Variants in KCND2 observed in about 807,000 individuals in gnomAD.
KCND2 encodes the protein potassium voltage-gated channel subfamily D member 2.
KCND2 carries 16 observed loss-of-function variants against 54.4 expected under a neutral mutation model. That is an observed-to-expected ratio of 0.29 (90% CI 0.20 to 0.45). The LOEUF is 0.45. KCND2 is among the 20% of genes least tolerant of loss of function. KCND2 has a pLI of 1.00. For synonymous variants in KCND2, 317 were observed against 310.7 expected (o/e 1.02, Z -0.21); for missense variants, 486 against 824.2 (o/e 0.59, Z 5.02).
intron 1 of KCND2, among the ~76,000 whole-genome samples, chr7:120,390,013 A>G (rs1193699377): frequency 6.6e-6 from 1 of 151,896 alleles, no homozygotes; most frequent in Non-Finnish European, 1.5e-5. Flanking sequence ...AGAAATGATT[A>G]TTTCCTCTTA....
At chr7:120,280,011 C>A (rs556025312) in intron 1 of KCND2, among the ~76,000 whole-genome samples, 1 of 151,912 alleles carries the variant, frequency 6.6e-6, no homozygotes, top group Admixed American at 6.6e-5. Context: ...AATTATCTTC[C>A]CTTGTGCCAA....
chr7:120,708,354 T>C (rs1009958109), intron 1 of KCND2, among the ~76,000 whole-genome samples: 1 of 152,046 alleles, frequency 6.6e-6, no homozygotes, highest in Non-Finnish European at 1.5e-5. Flanking sequence ...GAGTAGAAAA[T>C]TAACAGAATG....
At chr7:120,309,457 A>ATATATATATG (rs1799697578) in intron 1 of KCND2, among the ~76,000 whole-genome samples, 1 of 89,594 alleles carries the variant, frequency 1.1e-5, no homozygotes, top group East Asian at 3.3e-4. Context: ...GAAAACATAT[A>ATATATATATG]TATATATATA....
rs114241831 is a variant in KCND2, at chr7:120,595,983, T to A, written c.1116-136920T>A. Among the ~76,000 whole-genome samples, 834 of 152,168 alleles carry A rather than the reference T, an allele frequency of 5.5e-3. 5 individuals carry two copies. The highest frequency in any genetic ancestry group is 0.018 in the African/African-American group (766 of 41,518). On this transcript the variant is annotated intron_variant, in intron 1 of 5. Transcript: ENST00000331113. Reference sequence around the variant, plus strand: ...AGAAATCTCTGAGTGGATGAATGAATGACTTCATTAATGTTGACCTTTTAT... The same window carrying A: ...AGAAATCTCTGAGTGGATGAATGAAAGACTTCATTAATGTTGACCTTTTAT...
intron 1 of KCND2, among the ~76,000 whole-genome samples, chr7:120,358,890 T>G (rs1030799666): frequency 1.3e-5 from 2 of 152,226 alleles, no homozygotes; most frequent in African/African-American, 4.8e-5. Flanking sequence ...TATTTTCTTT[T>G]TTTACTACCT....
intron 1 of KCND2, among the ~76,000 whole-genome samples, chr7:120,602,458 A>G (rs1425570728): frequency 6.6e-6 from 1 of 152,178 alleles, no homozygotes; most frequent in Non-Finnish European, 1.5e-5. Flanking sequence ...CCAGTTTTCT[A>G]TGACCCAACG....
intron 1 of KCND2, among the ~76,000 whole-genome samples, chr7:120,478,379 A>T (rs564177792): frequency 6.6e-6 from 1 of 152,218 alleles, no homozygotes; most frequent in Admixed American, 6.5e-5. Flanking sequence ...TCACTTAGTC[A>T]TACTACCTAT....
At chr7:120,488,451 A>G (rs10245548) in intron 1 of KCND2, among the ~76,000 whole-genome samples, 11,176 of 152,128 alleles carry the variant, frequency 0.073, 1,317 homozygotes, top group African/African-American at 0.25. Context: ...TTGGAAAAAA[A>G]GTTACCTCCA....
intron 1 of KCND2, among the ~76,000 whole-genome samples, chr7:120,578,114 G>T (rs1167559582): frequency 1.3e-5 from 2 of 151,738 alleles, no homozygotes; most frequent in African/African-American, 4.8e-5. Flanking sequence ...AGAGGAAGAA[G>T]AAAAGAAGGA....
intron 1 of KCND2, among the ~76,000 whole-genome samples, chr7:120,584,979 A>T (rs191316394): frequency 3.9e-5 from 6 of 152,316 alleles, no homozygotes; most frequent in African/African-American, 1.4e-4. Flanking sequence ...TAGAAGAGTG[A>T]CTTTTTCCAA....
At chr7:120,490,388 C>A (rs561341491) in intron 1 of KCND2, among the ~76,000 whole-genome samples, 10 of 152,260 alleles carry the variant, frequency 6.6e-5, no homozygotes, top group African/African-American at 2.4e-4. Context: ...ATTAGACCAA[C>A]TCTGAGAACT....
intron 1 of KCND2, among the ~76,000 whole-genome samples, chr7:120,556,075 G>A (rs1792159355): frequency 6.6e-6 from 1 of 152,114 alleles, no homozygotes; most frequent in African/African-American, 2.4e-5. Context: ...TAAGTTATTG[G>A]AGAGTACTGA....
At chr7:120,318,812 C>T (rs570652650) in intron 1 of KCND2, among the ~76,000 whole-genome samples, 1 of 152,116 alleles carries the variant, frequency 6.6e-6, no homozygotes, top group African/African-American at 2.4e-5. Flanking sequence ...TGGCTTTTCA[C>T]ATGTTTGTAC....
chr7:120,612,838 T>G (rs4610678), intron 1 of KCND2, among the ~76,000 whole-genome samples: 145,534 of 152,294 alleles, frequency 0.96, 70,118 homozygotes, highest in African/African-American at 0.99. Flanking sequence ...ACTTTTGTAG[T>G]CACTGTAAGG....
chr7:120,330,196 A>G (rs1298261302), intron 1 of KCND2, among the ~76,000 whole-genome samples: 1 of 152,146 alleles, frequency 6.6e-6, no homozygotes, highest in Non-Finnish European at 1.5e-5. Flanking sequence ...CCTCTCTAAA[A>G]TGAAGGTAGT....
chr7:120,498,593 G>A (rs976709792), intron 1 of KCND2, among the ~76,000 whole-genome samples: 1 of 151,880 alleles, frequency 6.6e-6, no homozygotes, highest in African/African-American at 2.4e-5. Flanking sequence ...TGGGCAACAT[G>A]GTGAAACCCT....
chr7:120,477,698 T>C (rs951578432), intron 1 of KCND2, among the ~76,000 whole-genome samples: 1 of 152,112 alleles, frequency 6.6e-6, no homozygotes, highest in African/African-American at 2.4e-5. Flanking sequence ...TCTAAGGCGG[T>C]TGGCTGGGAG....
intron 1 of KCND2, among the ~76,000 whole-genome samples, chr7:120,426,386 T>A (rs563997033): frequency 3.9e-5 from 6 of 152,136 alleles, no homozygotes; most frequent in Non-Finnish European, 8.8e-5. Context: ...TTTATATAAC[T>A]TTGAAAAGAT....
intron 1 of KCND2, among the ~76,000 whole-genome samples, chr7:120,636,407 A>G (rs994027157): frequency 1.4e-4 from 21 of 152,154 alleles, no homozygotes; most frequent in African/African-American, 4.3e-4. Flanking sequence ...TGTTTGCACT[A>G]AAGAGTCTAG....
Sources: gnomAD v4.1 joint callset for allele counts (sites outside exome capture counted in the v4.1 genomes callset) on GRCh38, gnomAD v4.1.1 for gene constraint, MANE v1.5 for transcripts, NCBI Gene and HGNC (gene_info 2026-07-23, HGNC 2026-07-21) for gene names.